Variants in BANF2 observed in about 807,000 individuals in gnomAD.
The protein encoded by BANF2 is barrier-to-autointegration factor-like protein.
A neutral mutation model predicts 8.0 loss-of-function variants in BANF2; 4 were observed. The ratio of observed to expected loss-of-function variants is 0.50; its 90% confidence interval spans 0.25 to 1.14. The LOEUF (loss-of-function observed/expected upper bound fraction) is 1.14. Among genes scored for constraint, BANF2 ranks in the 50% most tolerant of loss-of-function variants. The pLI, the probability that BANF2 is intolerant of heterozygous loss-of-function variation, is 0.16. For missense variants in BANF2, 96 were observed against 107.5 expected, an observed-to-expected ratio of 0.89 and a Z score of 0.47; for synonymous variants, 50 against 40.6, an observed-to-expected ratio of 1.23 and a Z score of -0.88.
At chr20:17,702,849 A>C (rs2037429261) in intron 1 of BANF2, among the ~76,000 whole-genome samples, 1 of 152,188 alleles carries the variant, frequency 6.6e-6, no homozygotes. Flanking sequence ...TATGATAGCC[A>C]CTAGGCACAC....
chr20:17,695,020 G>A (rs1189363342), upstream of BANF2, among the ~76,000 whole-genome samples: 6 of 151,982 alleles, frequency 3.9e-5, no homozygotes, highest in Admixed American at 3.3e-4. Flanking sequence ...CTTCCTTTAG[G>A]TCATAAAACG....
At position 17,735,828 on chromosome 20, in the gene BANF2, T is replaced by C. The variant is rs2037970859; in HGVS notation, c.*17T>C. ...TTCCTGTAGACACAAACCTCATTGC[T>C]GCCCCCCACCACCCTCTGGGGAAAA... On this transcript the variant is annotated 3_prime_UTR_variant, in exon 4 of 4. Transcript: ENST00000246090. 6 of 1,605,270 alleles carry C rather than the reference T, an allele frequency of 3.7e-6. No homozygotes were observed. The highest frequency in any genetic ancestry group is 5.1e-6 in the Non-Finnish European group (6 of 1,174,170).
upstream of BANF2, among the ~76,000 whole-genome samples, chr20:17,697,085 G>C (rs1211670420): frequency 6.6e-6 from 1 of 152,084 alleles, no homozygotes; most frequent in Non-Finnish European, 1.5e-5. Flanking sequence ...GTGAGGCTGG[G>C]TGTAGCATGG....
chr20:17,711,559 G>T (rs958396018), intron 1 of BANF2, among the ~76,000 whole-genome samples: 5 of 152,190 alleles, frequency 3.3e-5, no homozygotes, highest in Non-Finnish European at 5.9e-5. Context: ...GTGTGCACCA[G>T]GGGCACTCAG....
At chr20:17,711,322 T>C (rs2037568895) in intron 1 of BANF2, among the ~76,000 whole-genome samples, 1 of 152,264 alleles carries the variant, frequency 6.6e-6, no homozygotes, top group Admixed American at 6.5e-5. Flanking sequence ...AGACATTGTT[T>C]AACTGCACAG....
chr20:17,703,714 T>C (rs2037441755), intron 1 of BANF2, among the ~76,000 whole-genome samples: 2 of 150,036 alleles, frequency 1.3e-5, no homozygotes, highest in African/African-American at 4.9e-5. Flanking sequence ...TCTTACAGCA[T>C]GGAGGTCTCA....
intron 1 of BANF2, among the ~76,000 whole-genome samples, chr20:17,722,218 G>A (rs1011989966): frequency 1.3e-5 from 2 of 152,256 alleles, no homozygotes; most frequent in South Asian, 2.1e-4. Flanking sequence ...AAGGATCAAA[G>A]TGAGCTCAGG....
In BANF2 at chr20:17,725,073, T is replaced by C; in HGVS notation, c.48T>C (p.Ile16=). The change falls in exon 3 of 4, where the codon ATT becomes ATC. Residue 16 remains isoleucine (I), a synonymous_variant. Transcript: ENST00000246090. The part of the protein sequence containing the change: ...PRLRAFLSEP[I]GEKDVCWVDG... Reference sequence around the variant, plus strand: ...TGAGAGCCTTCCTCTCCGAACCCATTGGAGAAAAGGATGTCTGCTGGGTGG... The same window carrying C: ...TGAGAGCCTTCCTCTCCGAACCCATCGGAGAAAAGGATGTCTGCTGGGTGG... The C allele has an allele frequency of 6.2e-7, 1 of 1,607,930 alleles. No individual in the cohort carries two copies. Among genetic ancestry groups the C allele is most frequent in the Non-Finnish European group, 8.5e-7 (1 of 1,174,344 alleles).
intron 3 of BANF2, among the ~76,000 whole-genome samples, chr20:17,731,781 A>AAAT (rs60281121): frequency 3.6e-5 from 5 of 139,270 alleles, no homozygotes; most frequent in African/African-American, 1.0e-4. Context: ...AAAAAAAAAA[A>AAAT]GTAGGCCAGG....
intron 1 of BANF2, among the ~76,000 whole-genome samples, chr20:17,719,142 G>T (rs2037694921): frequency 6.6e-6 from 1 of 151,978 alleles, no homozygotes; most frequent in Non-Finnish European, 1.5e-5. Context: ...TTTGTTTTTT[G>T]AGATGGAGTT....
chr20:17,694,476 AGCAAGGAGTTAAGAG>A (rs2037325600), intron 1 of BANF2, among the ~76,000 whole-genome samples: 1 of 152,100 alleles, frequency 6.6e-6, no homozygotes, highest in African/African-American at 2.4e-5. Context: ...AGTGCTCATG[AGCAAGGAGTTAAGAG>A]GTCAGAAACA....
At chr20:17,708,194 T>A (rs1243943762) in intron 1 of BANF2, among the ~76,000 whole-genome samples, 1 of 151,926 alleles carries the variant, frequency 6.6e-6, no homozygotes, top group Admixed American at 6.6e-5. Context: ...GCCACTGCAC[T>A]CTAGCCTGGG....
chr20:17,730,781 G>A (rs1345198305), intron 3 of BANF2, among the ~76,000 whole-genome samples: 1 of 152,250 alleles, frequency 6.6e-6, no homozygotes, highest in Non-Finnish European at 1.5e-5. Flanking sequence ...TCTGCTGGGT[G>A]GGCGGTGAGA....
In BANF2 at chr20:17,725,105, T is replaced by C. The variant is rs761884847; in HGVS notation, c.80T>C (p.Ile27Thr). The C allele has an allele frequency of 6.2e-7, 1 of 1,612,672 alleles. No homozygotes were observed. Among genetic ancestry groups the C allele is most frequent in the Non-Finnish European group, 8.5e-7 (1 of 1,178,720 alleles). Residue 27 changes from isoleucine to threonine, a missense_variant, in exon 3 of 4, where the codon ATC becomes ACC. Physicochemically the swap from Ile to Thr is moderately conservative, Grantham distance 89 (BLOSUM62 -1). Coordinates refer to ENST00000246090, the MANE Select transcript of BANF2 (RefSeq NM_178477.5). ...AAGGATGTCTGCTGGGTGGATGGCA[T>C]CAGCCATGAGCTCGCGATCAATTTG... ...GEKDVCWVDG[I>T]SHELAINLVT...
At chr20:17,716,322 T>C (rs933101079) in intron 1 of BANF2, among the ~76,000 whole-genome samples, 1 of 152,074 alleles carries the variant, frequency 6.6e-6, no homozygotes, top group African/African-American at 2.4e-5. Context: ...ATAGGAAGGT[T>C]ACCCCCCTTC....
upstream of BANF2, among the ~76,000 whole-genome samples, chr20:17,696,694 T>C (rs2122556737): frequency 6.6e-6 from 1 of 152,328 alleles, no homozygotes; most frequent in Admixed American, 6.5e-5. Context: ...TGCAATGCTC[T>C]GGTACAGTAG....
At chr20:17,695,754 C>A (rs935908101), upstream of BANF2, among the ~76,000 whole-genome samples, 4 of 152,228 alleles carry the variant, frequency 2.6e-5, no homozygotes, top group South Asian at 4.2e-4. Context: ...AATGTATACA[C>A]CCGAGTAATC....
At chr20:17,700,188 GC>G in intron 1 of BANF2, 133 bp downstream of exon 1, 1 of 194,018 alleles carries the variant, frequency 5.2e-6, no homozygotes. Context: ...CACCAGGTAA[GC>G]CCCAAACTCT....
At chr20:17,706,986 C>T (rs577435192) in intron 1 of BANF2, among the ~76,000 whole-genome samples, 1 of 152,272 alleles carries the variant, frequency 6.6e-6, no homozygotes, top group African/African-American at 2.4e-5. Context: ...ATGCCACCAA[C>T]ACCCAAGGGC....
Sources: gnomAD v4.1 joint callset for allele counts (sites outside exome capture counted in the v4.1 genomes callset) on GRCh38, gnomAD v4.1.1 for gene constraint, MANE v1.5 for transcripts, NCBI Gene and HGNC (gene_info 2026-07-23, HGNC 2026-07-21) for gene names.